TRPM7: variants seen among roughly 807,000 people sequenced by gnomAD.
The protein encoded by TRPM7 is transient receptor potential cation channel subfamily M member 7.
Under a neutral mutation model 229.7 loss-of-function variants are expected in TRPM7, and 134 were observed. The ratio of observed to expected loss-of-function variants is 0.58; its 90% CI spans 0.51 to 0.67. The LOEUF (loss-of-function observed/expected upper bound fraction) is 0.67, where lower values mean the gene tolerates loss of function less well. Among genes scored for constraint, TRPM7 ranks in the 30% least tolerant of loss-of-function variants. The pLI, the probability that TRPM7 is intolerant of heterozygous loss-of-function variation, is 0.00. For missense variants in TRPM7, 1,901 were observed against 2,210.0 expected (o/e 0.86, Z 2.80); for synonymous variants, 699 against 715.2 (o/e 0.98, Z 0.36).
At chr15:50,590,601 T>C (rs974593119) in intron 26 of TRPM7, among the ~76,000 whole-genome samples, 2 of 152,182 alleles carry the variant, frequency 1.3e-5, no homozygotes, top group African/African-American at 4.8e-5. Flanking sequence ...AAAATATATA[T>C]GATATATACA....
chr15:50,573,603 T>C (rs375139922), intron 36 of TRPM7, among the ~76,000 whole-genome samples: 1 of 152,214 alleles, frequency 6.6e-6, no homozygotes, highest in East Asian at 1.9e-4. Context: ...TTAGGTAGTT[T>C]AGTTCACAAT....
chr15:50,628,304 G>T, intron 10 of TRPM7, 55 bp from the exon 11 acceptor site: 2 of 1,322,216 alleles, frequency 1.5e-6, no homozygotes, highest in Admixed American at 1.9e-5. Context: ...TCCATTAAAA[G>T]GTGAACACTT....
At chr15:50,659,692 G>A (rs1008100294) in intron 2 of TRPM7, among the ~76,000 whole-genome samples, 1 of 151,068 alleles carries the variant, frequency 6.6e-6, no homozygotes, top group African/African-American at 2.4e-5. Flanking sequence ...TTTTGAGATG[G>A]AGTCTCACTC....
intron 21 of TRPM7, among the ~76,000 whole-genome samples, chr15:50,602,714 A>T (rs1229637764): frequency 1.3e-5 from 2 of 152,214 alleles, no homozygotes; most frequent in African/African-American, 4.8e-5. Flanking sequence ...AACTCTTAAC[A>T]TGTAATAGAT....
intron 21 of TRPM7, among the ~76,000 whole-genome samples, chr15:50,602,414 A>G (rs2059805770): frequency 6.6e-6 from 1 of 152,196 alleles, no homozygotes; most frequent in Non-Finnish European, 1.5e-5. Context: ...GGATAGCATT[A>G]GGATAAATAC....
chr15:50,564,547 GTTTT>G (rs1223559923), intron 38 of TRPM7, among the ~76,000 whole-genome samples: 1 of 151,848 alleles, frequency 6.6e-6, no homozygotes, highest in South Asian at 2.1e-4. Context: ...ATATATGTAT[GTTTT>G]TATTTTTTTA....
At chr15:50,605,682 C>T (rs1293801144) in intron 20 of TRPM7, among the ~76,000 whole-genome samples, 1 of 152,196 alleles carries the variant, frequency 6.6e-6, no homozygotes, top group African/African-American at 2.4e-5. Flanking sequence ...CACTCTTCTC[C>T]CTTAGCCAAT....
chr15:50,669,366 T>G (rs1358927189), intron 1 of TRPM7, among the ~76,000 whole-genome samples: 1 of 151,892 alleles, frequency 6.6e-6, no homozygotes, highest in Non-Finnish European at 1.5e-5. Context: ...ACTCAGGAGA[T>G]GGAGGCTGCA....
chr15:50,674,840 A>G (rs930193908), intron 1 of TRPM7, among the ~76,000 whole-genome samples: 1 of 152,124 alleles, frequency 6.6e-6, no homozygotes, highest in Non-Finnish European at 1.5e-5. Flanking sequence ...GTTCTTCAAC[A>G]CTTCGAATAT....
intron 1 of TRPM7, among the ~76,000 whole-genome samples, chr15:50,664,802 A>G (rs2061838360): frequency 6.6e-6 from 1 of 152,102 alleles, no homozygotes; most frequent in African/African-American, 2.4e-5. Flanking sequence ...TCTACAAAAA[A>G]ATTAAACAGT....
chr15:50,624,245 A>G lies in TRPM7; in HGVS notation c.1361T>C (p.Phe454Ser), dbSNP rs2060496983. The change falls in exon 12 of 39, where the codon TTT (phenylalanine) becomes TCT (serine). Residue 454 changes from phenylalanine to serine, a missense_variant. Coordinates refer to ENST00000646667, the MANE Select transcript of TRPM7 (RefSeq NM_017672.6). ...TCCATTTTCAATAAGAAGTTTTACAAATGCAACTCTATCCATTACAAGAGC... is the reference window on the plus strand; with the variant it reads ...TCCATTTTCAATAAGAAGTTTTACAGATGCAACTCTATCCATTACAAGAGC... Reference protein sequence around the residue: ...LDALVMDRVAFVKLLIENGVS... With the variant: ...LDALVMDRVASVKLLIENGVS... 1 of 1,612,844 alleles carries G rather than the reference A, an allele frequency of 6.2e-7. No homozygotes were observed.
chr15:50,559,603 G>C lies in TRPM7; in HGVS notation c.*2075C>G, dbSNP rs933909312. The C allele has an allele frequency of 3.3e-5, 5 of 152,116 alleles. No individual in the cohort carries two copies. The highest frequency in any genetic ancestry group is 1.2e-4 in the African/African-American group (5 of 41,412). 9.4% of individuals were successfully genotyped at this position (152,116 alleles called of 1,614,324 possible). On this transcript the variant is annotated 3_prime_UTR_variant, in exon 39 of 39. Transcript: ENST00000646667. ...CGTTGCTACTTATTATTAAATAAACGTAAGAATCTTATGGACGTTACTTTA... is the reference window on the plus strand; with the variant it reads ...CGTTGCTACTTATTATTAAATAAACCTAAGAATCTTATGGACGTTACTTTA...
At chr15:50,580,993 T>C in intron 29 of TRPM7, 85 bp from the exon 30 acceptor site, 1 of 1,417,038 alleles carries the variant, frequency 7.1e-7, no homozygotes, top group Non-Finnish European at 9.4e-7. Flanking sequence ...CTTTTTTTCT[T>C]ATATTTTAAG....
chr15:50,563,576 A>G (rs1288859970), intron 38 of TRPM7, among the ~76,000 whole-genome samples: 2 of 152,238 alleles, frequency 1.3e-5, no homozygotes, highest in Non-Finnish European at 2.9e-5. Context: ...GGGCAAGGGA[A>G]AAGAAGAATT....
Position 50,611,627 on chromosome 15 carries a change from A to G in TRPM7, c.2052-306T>C, listed in dbSNP as rs185512043. ...TCACAATGCTACAATGCTCTGTTCA[A>G]AAAAGTTTATGTAGTATTTCAAACA... On this transcript the variant is annotated intron_variant, in intron 16 of 38. Transcript: ENST00000646667. Among the ~76,000 whole-genome samples the G allele has an allele frequency of 7.9e-5, 12 of 152,336 alleles. No homozygotes were observed. The East Asian group carries it at 2.3e-3, about 29-fold the overall frequency.
At chr15:50,685,888 T>C (rs1025506732) in intron 1 of TRPM7, among the ~76,000 whole-genome samples, 1 of 152,188 alleles carries the variant, frequency 6.6e-6, no homozygotes, top group Admixed American at 6.5e-5. Context: ...ATTGTCTTGG[T>C]CCCCACAGAA....
At chr15:50,571,690 A>C (rs2141482619) in intron 36 of TRPM7, among the ~76,000 whole-genome samples, 1 of 151,860 alleles carries the variant, frequency 6.6e-6, no homozygotes, top group South Asian at 2.1e-4. Context: ...ACAGAAGTAG[A>C]GAAATAAAAA....
At chr15:50,652,532 A>C (rs1010462528) in intron 3 of TRPM7, among the ~76,000 whole-genome samples, 7 of 151,676 alleles carry the variant, frequency 4.6e-5, no homozygotes, top group Non-Finnish European at 1.0e-4. Context: ...TCTCAAAAAA[A>C]AAAAAAAAAA....
At chr15:50,590,383 A>G (rs1295360160) in intron 26 of TRPM7, among the ~76,000 whole-genome samples, 1 of 152,198 alleles carries the variant, frequency 6.6e-6, no homozygotes, top group Admixed American at 6.5e-5. Flanking sequence ...TATTTTGGCA[A>G]TAACACTTTA....
Sources: allele counts gnomAD v4.1 joint callset (sites outside exome capture counted in the v4.1 genomes callset), GRCh38; gene constraint gnomAD v4.1.1; transcripts MANE v1.5; gene names NCBI Gene and HGNC (gene_info 2026-07-23, HGNC 2026-07-21).